XKR3: variants seen among roughly 807,000 people sequenced by gnomAD.
XKR3 encodes XK-related protein 3.
Under a neutral mutation model 40.3 loss-of-function variants are expected in XKR3, and 27 were observed. The observed-to-expected ratio is 0.67, with a 90% CI of 0.49 to 0.92. The LOEUF is 0.92. Ranked by LOEUF, XKR3 falls within the 40% of genes least tolerant of loss-of-function variation. XKR3 has a pLI of 0.00. For missense variants in XKR3, 472 were observed against 537.6 expected, an observed-to-expected ratio of 0.88 and a Z score of 1.21; for synonymous variants, 193 against 195.4, an observed-to-expected ratio of 0.99 and a Z score of 0.10.
intron 3 of XKR3, among the ~76,000 whole-genome samples, chr22:16,791,214 A>G (rs1211523458): frequency 1.3e-5 from 2 of 152,186 alleles, no homozygotes; most frequent in South Asian, 2.1e-4. Context: ...AAGAGTATTC[A>G]GCTATAAAAA....
intron 1 of XKR3, among the ~76,000 whole-genome samples, chr22:16,810,668 A>G (rs2060208777): frequency 1.3e-5 from 2 of 152,210 alleles, no homozygotes; most frequent in African/African-American, 2.4e-5. Flanking sequence ...CTATTTATAT[A>G]TAGAATGTTG....
At chr22:16,805,282 T>C (rs987939084) in intron 2 of XKR3, among the ~76,000 whole-genome samples, 7 of 152,230 alleles carry the variant, frequency 4.6e-5, no homozygotes, top group Non-Finnish European at 8.8e-5. Flanking sequence ...TATTTCTACA[T>C]ACTAGCAATG....
chr22:16,823,884 T>C (rs1188137748), intron 1 of XKR3, among the ~76,000 whole-genome samples: 1 of 152,038 alleles, frequency 6.6e-6, no homozygotes, highest in African/African-American at 2.4e-5. Context: ...ATTCTTGATG[T>C]AACAACAGGT....
At position 16,784,026 on chromosome 22, in the gene XKR3, C is replaced by A. The variant is rs1482737500; in HGVS notation, c.973G>T (p.Val325Leu). 6.2e-7 allele frequency: 1 copy of A among 1,614,142 alleles called. No homozygotes were observed. The highest frequency in any genetic ancestry group is 8.5e-7 in the Non-Finnish European group (1 of 1,180,054). The change falls in exon 4 of 4, where the codon GTG becomes TTG. Residue 325 changes from valine to leucine, a missense_variant. Transcript: ENST00000684488. ...AAINFSCWSAVKLQLSDDKII... is the reference protein window; with the variant it reads ...AAINFSCWSALKLQLSDDKII... Reference sequence around the variant, plus strand: ...TTGTCATCTGACAACTGCAGTTTCACTGCTGACCAGCAGGAGAAGTTGATG... The same window carrying A: ...TTGTCATCTGACAACTGCAGTTTCAATGCTGACCAGCAGGAGAAGTTGATG...
In XKR3 at chr22:16,784,093, A is replaced by G. The variant is rs1411020319; in HGVS notation, c.906T>C (p.Gly302=). 2 of 1,614,032 alleles carry G rather than the reference A, an allele frequency of 1.2e-6. No homozygotes were observed. Among genetic ancestry groups the G allele is most frequent in the Non-Finnish European group, 1.7e-6 (2 of 1,180,044 alleles). Residue 302 remains glycine, a synonymous_variant, in exon 4 of 4, where the codon GGT becomes GGC. Coordinates refer to ENST00000684488, the MANE Select transcript of XKR3 (RefSeq NM_001386955.1). ...GNKENNSNMV[G]TVLMLFLITL... ...TGATCAAGAAAAGCATCAGTACTGTACCCACCATATTGGAATTATTTTCTT... is the reference window on the plus strand; with the variant it reads ...TGATCAAGAAAAGCATCAGTACTGTGCCCACCATATTGGAATTATTTTCTT...
At chr22:16,819,475 T>C (rs928689883) in intron 1 of XKR3, among the ~76,000 whole-genome samples, 1 of 152,074 alleles carries the variant, frequency 6.6e-6, no homozygotes, top group African/African-American at 2.4e-5. Context: ...TATGATGCAA[T>C]ATCTCACAAA....
chr22:16,790,118 A>G (rs2060107841), intron 3 of XKR3, among the ~76,000 whole-genome samples: 1 of 152,186 alleles, frequency 6.6e-6, no homozygotes, highest in Non-Finnish European at 1.5e-5. Context: ...ACCCTAGGCA[A>G]TACAGTGAGA....
intron 3 of XKR3, among the ~76,000 whole-genome samples, chr22:16,790,864 A>G (rs1204854996): frequency 1.1e-3 from 160 of 149,778 alleles, no homozygotes; most frequent in African/African-American, 3.8e-3. Context: ...AACAGCCATT[A>G]TTTAAAGAAT....
At chr22:16,784,642 T>C (rs2060082431) in intron 3 of XKR3, among the ~76,000 whole-genome samples, 1 of 152,188 alleles carries the variant, frequency 6.6e-6, no homozygotes, top group Non-Finnish European at 1.5e-5. Flanking sequence ...AATACATACA[T>C]ATCTACATTT....
chr22:16,817,830 C>T (rs1363285503), intron 1 of XKR3, among the ~76,000 whole-genome samples: 1 of 151,970 alleles, frequency 6.6e-6, no homozygotes, highest in Non-Finnish European at 1.5e-5. Context: ...CACATTGCCC[C>T]AGAGAACTAG....
At chr22:16,806,443 A>G (rs1488111009) in intron 2 of XKR3, among the ~76,000 whole-genome samples, 1 of 150,248 alleles carries the variant, frequency 6.7e-6, no homozygotes, top group African/African-American at 2.4e-5. Context: ...AATGCAGATC[A>G]CATTTTGTGA....
intron 2 of XKR3, 119 bp downstream of exon 2, chr22:16,807,620 A>T: frequency 1.1e-6 from 1 of 939,458 alleles, no homozygotes; most frequent in East Asian, 2.6e-5. Flanking sequence ...ATAAATCTAA[A>T]GAGGGAAATA....
At chr22:16,785,693 T>C (rs1476741186) in intron 3 of XKR3, among the ~76,000 whole-genome samples, 3 of 151,822 alleles carry the variant, frequency 2.0e-5, no homozygotes, top group Non-Finnish European at 2.9e-5. Context: ...TGAAACCCCA[T>C]CTCTACTGAA....
At chr22:16,791,778 G>GGAGAGAGAGAGAGAGAGAGAGAGAGA (rs763159994) in intron 3 of XKR3, among the ~76,000 whole-genome samples, 4 of 123,182 alleles carry the variant, frequency 3.2e-5, no homozygotes, top group Non-Finnish European at 3.4e-5. Context: ...GGAGAGAGAG[G>GGAGAGAGAGAGAGAGAGAGAGAGAGA]GAGAGAGAGA....
Position 16,806,268 on chromosome 22 carries a change from A to AAAAAAAAG in XKR3, c.335+1470_335+1471insCTTTTTTT, listed in dbSNP as rs1238691056. On this transcript the variant is annotated intron_variant, in intron 2 of 3. Coordinates refer to ENST00000684488, the MANE Select transcript of XKR3 (RefSeq NM_001386955.1). ...AGAATGATAGTTCATCTCAAAAAAA[A>AAAAAAAAG]AAAGAAAAAAGTCAATTAATCAATA... is the stretch of plus-strand genomic sequence containing the variant. Among the ~76,000 whole-genome samples the AAAAAAAAG allele has an allele frequency of 1.2e-3, 178 of 144,394 alleles. 2 individuals carry two copies. The highest frequency in any genetic ancestry group is 1.7e-3 in the Non-Finnish European group (113 of 66,936). 94.7% of individuals were successfully genotyped at this position (144,394 alleles called of 152,430 possible).
At chr22:16,787,629 A>G (rs1241550325) in intron 3 of XKR3, among the ~76,000 whole-genome samples, 1 of 152,032 alleles carries the variant, frequency 6.6e-6, no homozygotes, top group African/African-American at 2.4e-5. Flanking sequence ...AGAAATAACA[A>G]CAAAAAATTT....
At chr22:16,821,400 C>A (rs540497128) in intron 1 of XKR3, among the ~76,000 whole-genome samples, 1 of 152,028 alleles carries the variant, frequency 6.6e-6, no homozygotes, top group South Asian at 2.1e-4. Flanking sequence ...AAATCAGGAG[C>A]CTAATTATAA....
At chr22:16,807,149 C>A (rs1020185410) in intron 2 of XKR3, among the ~76,000 whole-genome samples, 1 of 151,996 alleles carries the variant, frequency 6.6e-6, no homozygotes, top group African/African-American at 2.4e-5. Flanking sequence ...TATATAGTAA[C>A]TAAGAATTTA....
chr22:16,791,150 A>C (rs1401467797), intron 3 of XKR3, among the ~76,000 whole-genome samples: 1 of 152,198 alleles, frequency 6.6e-6, no homozygotes, highest in Non-Finnish European at 1.5e-5. Flanking sequence ...AATCACCTCA[A>C]GTGTCCATCA....
Sources: allele counts gnomAD v4.1 joint callset (sites outside exome capture counted in the v4.1 genomes callset), GRCh38; gene constraint gnomAD v4.1.1; transcripts MANE v1.5; gene names NCBI Gene and HGNC (gene_info 2026-07-23, HGNC 2026-07-21).